The following CERS1 variants were observed in gnomAD, a reference collection of about 807,000 sequenced individuals.
The protein encoded by CERS1 is Embryonic growth/differentiation factor 1.
A neutral mutation model predicts 35.7 loss-of-function variants in CERS1; 16 were observed. That is an observed-to-expected ratio of 0.45 (90% confidence interval 0.30 to 0.68). The LOEUF is 0.68. CERS1 is among the 30% of genes least tolerant of loss of function. The probability of loss-of-function intolerance (pLI) is 0.08; values close to 1 mark genes in which losing one functional copy is unlikely to be tolerated. For missense variants in CERS1, 454 were observed against 453.9 expected, an observed-to-expected ratio of 1.00 and a Z score of 0.00; for synonymous variants, 243 against 201.6, an observed-to-expected ratio of 1.21 and a Z score of -1.74.
At chr19:18,882,619 A>G (rs781530247) in intron 3 of CERS1, among the ~76,000 whole-genome samples, 25 of 150,988 alleles carry the variant, frequency 1.7e-4, no homozygotes, top group Non-Finnish European at 3.1e-4. Flanking sequence ...CCTGGGCGAC[A>G]GAGCGAGACT....
chr19:18,887,651 G>A (rs550976169), intron 2 of CERS1, among the ~76,000 whole-genome samples: 24 of 151,608 alleles, frequency 1.6e-4, no homozygotes, highest in Non-Finnish European at 2.6e-4. Flanking sequence ...GGCTGAGGCA[G>A]GAGCATCACT....
intron 6 of CERS1, among the ~76,000 whole-genome samples, chr19:18,872,781 C>T (rs1298392940): frequency 6.6e-6 from 1 of 152,106 alleles, no homozygotes; most frequent in Non-Finnish European, 1.5e-5. Flanking sequence ...CTCCAAAGTG[C>T]TGGGATTACA....
chr19:18,877,360 G>A (rs2056076841), intron 6 of CERS1, among the ~76,000 whole-genome samples: 1 of 152,150 alleles, frequency 6.6e-6, no homozygotes, highest in Admixed American at 6.6e-5. Context: ...ACAGCAAGAG[G>A]ACCTTCCTGG....
At chr19:18,886,912 C>T (rs113659915) in intron 2 of CERS1, among the ~76,000 whole-genome samples, 15 of 152,342 alleles carry the variant, frequency 9.8e-5, no homozygotes, top group African/African-American at 3.6e-4. Context: ...CACATCTCTC[C>T]AGCGATCCCT....
intron 2 of CERS1, among the ~76,000 whole-genome samples, chr19:18,892,753 C>T (rs1223087508): frequency 3.3e-5 from 5 of 152,120 alleles, no homozygotes; most frequent in Admixed American, 6.6e-5. Context: ...GGAATGCCTG[C>T]CTGGACCCAC....
intron 6 of CERS1, among the ~76,000 whole-genome samples, chr19:18,877,299 G>A (rs2056075617): frequency 6.6e-6 from 1 of 152,148 alleles, no homozygotes; most frequent in African/African-American, 2.4e-5. Flanking sequence ...GCTTCCTCTT[G>A]TTCTGGGTTC....
intron 2 of CERS1, among the ~76,000 whole-genome samples, chr19:18,893,074 C>T (rs559413646): frequency 2.0e-5 from 3 of 151,988 alleles, no homozygotes; most frequent in East Asian, 1.9e-4. Context: ...CCACCACACC[C>T]GGCTAATTTT....
At position 18,895,373 on chromosome 19, in the gene CERS1, C is replaced by G. The variant is rs935503559; in HGVS notation, c.249+451G>C. On this transcript the variant is annotated intron_variant, in intron 1 of 7. Transcript: ENST00000623882. This position sits in a 1 kb window ranked among gnomAD's most constrained non-coding sequence, Gnocchi z 6.4. The stretch of plus-strand genomic sequence containing the variant: ...GCGCATGGCGCAGGCCGCGGTGCGC[C>G]GAGCCCTCCCGTTCCCGGTCCTGGG... 2.6e-5 allele frequency among the ~76,000 whole-genome samples: 4 copies of G among 152,172 alleles called. No individual in the cohort carries two copies. Among genetic ancestry groups the G allele is most frequent in the Non-Finnish European group, 5.9e-5 (4 of 68,028 alleles).
rs1568289083 is a variant in CERS1, at chr19:18,868,591, C to T, written c.*1394G>A. ...TTGTTGGGCCCGCGTCCCTGCCCGC[C>T]CCGGGTTAGCGGCAGCCGCACTCGT... is the stretch of plus-strand genomic sequence containing the variant. On this transcript the variant is annotated 3_prime_UTR_variant, in exon 8 of 8. Coordinates refer to ENST00000623882, the MANE Select transcript of CERS1 (RefSeq NM_021267.5). 2 of 1,552,692 alleles carry T rather than the reference C, an allele frequency of 1.3e-6. No homozygotes were observed. The highest frequency in any genetic ancestry group is 1.7e-6 in the Non-Finnish European group (2 of 1,147,212).
At position 18,878,548 on chromosome 19, in the gene CERS1, A is replaced by C; in HGVS notation, c.1010+382T>G. On this transcript the variant is annotated intron_variant, in intron 6 of 7. Coordinates refer to ENST00000623882, the MANE Select transcript of CERS1 (RefSeq NM_021267.5). This position sits in a 1 kb window ranked among gnomAD's most constrained non-coding sequence, Gnocchi z 4.6. ...TTCCTTCCTCCCCAGCCCCACTGCCACCAGCTCCAGTGGCGACATGGGTCA... is the reference window on the plus strand; with the variant it reads ...TTCCTTCCTCCCCAGCCCCACTGCCCCCAGCTCCAGTGGCGACATGGGTCA... 1 of 1,029,310 alleles carries C rather than the reference A, an allele frequency of 9.7e-7. No individual in the cohort carries two copies. Among genetic ancestry groups the C allele is most frequent in the African/African-American group, 1.7e-5 (1 of 58,400 alleles). The allele number at this position is 1,029,310 out of a possible 1,614,324, so 63.8% of individuals were successfully genotyped here.
intron 1 of CERS1, among the ~76,000 whole-genome samples, chr19:18,894,283 G>C (rs2056571721): frequency 6.6e-6 from 1 of 151,948 alleles, no homozygotes; most frequent in South Asian, 2.1e-4. Flanking sequence ...CTCCAGAGCT[G>C]CCCGGCCAAG....
rs1384540414 is a variant in CERS1, at chr19:18,886,324, C to T, written c.410-2057G>A. Among the ~76,000 whole-genome samples the T allele has an allele frequency of 3.3e-5, 5 of 152,110 alleles. No homozygotes were observed. In the East Asian group the frequency reaches 7.7e-4, roughly 24 times the overall value. ...CAGCACTTTGGGAGGCCGAGGCGGG[C>T]GGATCACAAGGTCAGGAGATCAAGA... On this transcript the variant is annotated intron_variant, in intron 2 of 7. Transcript: ENST00000623882.
Position 18,870,447 on chromosome 19 carries a change from G to T in CERS1, c.*130C>A, listed in dbSNP as rs919746080. 3.5e-6 allele frequency: 3 copies of T among 853,912 alleles called. No individual in the cohort carries two copies. Among genetic ancestry groups the T allele is most frequent in the Non-Finnish European group, 5.5e-6 (3 of 547,136 alleles). The allele number at this position is 853,912 out of a possible 1,614,324, so 52.9% of individuals were successfully genotyped here. On this transcript the variant is annotated 3_prime_UTR_variant, in exon 7 of 8. Transcript: ENST00000623882. The surrounding 1 kb of genome is among the most constrained non-coding windows in gnomAD (Gnocchi z 5.1). Reference sequence around the variant, plus strand: ...GGAACTGGAGGCAGGATGAGGGGGCGGGGTCCCAGGGGAGGTGGCGGCGGC... The same window carrying T: ...GGAACTGGAGGCAGGATGAGGGGGCTGGGTCCCAGGGGAGGTGGCGGCGGC...
Position 18,878,080 on chromosome 19 carries a change from G to A in CERS1, c.1010+850C>T. ...CTCCCGTTCCAAAAAACGTCACGGA[G>A]CTCTGAGCCACTGCTTCCCTGAAAC... On this transcript the variant is annotated intron_variant, in intron 6 of 7. Coordinates refer to ENST00000623882, the MANE Select transcript of CERS1 (RefSeq NM_021267.5). This position sits in a 1 kb window ranked among gnomAD's most constrained non-coding sequence, Gnocchi z 4.6. 6.1e-6 allele frequency: 6 copies of A among 985,536 alleles called. No homozygotes were observed. The highest frequency in any genetic ancestry group is 6.0e-6 in the Non-Finnish European group (5 of 830,002). 61.0% of individuals were successfully genotyped at this position (985,536 alleles called of 1,614,324 possible). A position where few individuals can be genotyped will look rare whatever the true frequency, so the allele number is the denominator to read the frequency against.
rs1385616129 is a variant in CERS1, at chr19:18,870,663, G to A, written c.1011-44C>T. On this transcript the variant is annotated intron_variant, in intron 6 of 7. Transcript: ENST00000623882. This position sits in a 1 kb window ranked among gnomAD's most constrained non-coding sequence, Gnocchi z 5.1. ...GCAGGTTAGCCTGGGAGCCCCACGC[G>A]GCCGCCTGGCCCTCTTTCCCGCTTC... is the stretch of plus-strand genomic sequence containing the variant. The A allele has an allele frequency of 5.8e-6, 3 of 515,452 alleles. No homozygotes were observed. The highest frequency in any genetic ancestry group is 1.1e-5 in the Non-Finnish European group (3 of 284,672). 31.9% of individuals were successfully genotyped at this position (515,452 alleles called of 1,614,324 possible). A position where few individuals can be genotyped will look rare whatever the true frequency, so the allele number is the denominator to read the frequency against.
chr19:18,885,145 A>G (rs1318807549), intron 2 of CERS1, among the ~76,000 whole-genome samples: 5 of 152,294 alleles, frequency 3.3e-5, no homozygotes, highest in Admixed American at 2.0e-4. Context: ...TAAGTGGTAT[A>G]TTTGCTACAA....
intron 2 of CERS1, among the ~76,000 whole-genome samples, chr19:18,888,273 C>T (rs537078757): frequency 3.1e-4 from 47 of 149,366 alleles, no homozygotes; most frequent in Middle Eastern, 3.4e-3. Flanking sequence ...GCAGGAGAAT[C>T]GCTTGAACCT....
chr19:18,882,907 G>C (rs1261724424), intron 3 of CERS1, among the ~76,000 whole-genome samples: 1 of 152,044 alleles, frequency 6.6e-6, no homozygotes, highest in East Asian at 1.9e-4. Flanking sequence ...TAGCCAGGAT[G>C]GTCTCGATCT....
intron 3 of CERS1, among the ~76,000 whole-genome samples, chr19:18,882,587 A>T (rs764460954): frequency 2.0e-4 from 31 of 151,824 alleles, no homozygotes; most frequent in Non-Finnish European, 4.0e-4. Flanking sequence ...CAGTAAGCCA[A>T]TGTCATGGCA....
Sources: gnomAD v4.1 joint callset for allele counts (sites outside exome capture counted in the v4.1 genomes callset) on GRCh38, gnomAD v4.1.1 for gene constraint, Gnocchi (gnomAD v3.1) non-coding constraint, MANE v1.5 for transcripts, NCBI Gene and HGNC (gene_info 2026-07-23, HGNC 2026-07-21) for gene names.